Variants in SELENOP observed in about 807,000 individuals in gnomAD.
SELENOP encodes the protein selenoprotein P.
A neutral mutation model predicts 41.0 loss-of-function variants in SELENOP; 36 were observed. The observed-to-expected ratio is 0.88, with a 90% confidence interval of 0.67 to 1.16. The LOEUF is 1.16. Among genes scored for constraint, SELENOP ranks in the 50% most tolerant of loss-of-function variants. SELENOP has a pLI of 0.00. For synonymous variants in SELENOP, 144 were observed against 150.8 expected, an observed-to-expected ratio of 0.95 and a Z score of 0.33; for missense variants, 440 against 454.2, an observed-to-expected ratio of 0.97 and a Z score of 0.28.
At position 42,804,750 on chromosome 5, in the gene SELENOP, A is replaced by C. The variant is rs1419520030; in HGVS notation, c.440T>G (p.Leu147Arg). 3 of 1,606,494 alleles carry C rather than the reference A, an allele frequency of 1.9e-6. No individual in the cohort carries two copies. The highest frequency in any genetic ancestry group is 2.6e-6 in the Non-Finnish European group (3 of 1,173,970). Residue 147 changes from leucine to arginine, a missense_variant, in exon 4 of 5, where the codon CTT becomes CGT. Physicochemically the swap from Leu to Arg is moderately radical, Grantham distance 102. Transcript: ENST00000514985. ...AGTTAGGAAGGAAAAAGGCAAACCA[A>C]GATGATATACAAGACGGCCACATCT... ...YDRCGRLVYHLGLPFSFLTFP... is the reference protein window; with the variant it reads ...YDRCGRLVYHRGLPFSFLTFP...
intron 4 of SELENOP, 69 bp downstream of exon 4, chr5:42,804,587 T>C: frequency 1.2e-6 from 1 of 835,196 alleles, no homozygotes. Flanking sequence ...GTTTTCTAAA[T>C]AAGTGTTTCA....
intron 1 of SELENOP, 108 bp downstream of exon 1, chr5:42,811,728 C>T (rs1380036205): frequency 2.0e-5 from 3 of 152,162 alleles, no homozygotes; most frequent in Admixed American, 2.0e-4. Flanking sequence ...CCTCTATCCA[C>T]CAGTTTTCTG....
At chr5:42,801,656 C>A in intron 4 of SELENOP, 1 of 339,466 alleles carries the variant, frequency 2.9e-6, no homozygotes, top group South Asian at 1.2e-4. Flanking sequence ...GTGGCTCATG[C>A]CTGTAATCCC....
At chr5:42,804,609 T>TA in intron 4 of SELENOP, 47 bp downstream of exon 4, 1 of 1,112,342 alleles carries the variant, frequency 9.0e-7, no homozygotes, top group East Asian at 2.4e-5. Context: ...GATAAACTCT[T>TA]AAAAGATTTC....
intron 3 of SELENOP, chr5:42,806,647 A>G (rs1441128236): frequency 1.4e-5 from 4 of 284,050 alleles, no homozygotes; most frequent in Non-Finnish European, 2.7e-5. Flanking sequence ...GGAGGAGGAG[A>G]AAGAAGAGGA....
chr5:42,811,719 C>T (rs1035276511), intron 1 of SELENOP, 117 bp downstream of exon 1: 1 of 152,058 alleles, frequency 6.6e-6, no homozygotes, highest in African/African-American at 2.4e-5. Flanking sequence ...TTTTTATTTC[C>T]TCTATCCACC....
chr5:42,801,294 A>G lies in SELENOP; in HGVS notation c.572T>C (p.Leu191Ser). 2 of 1,612,842 alleles carry G rather than the reference A, an allele frequency of 1.2e-6. No individual in the cohort carries two copies. The highest frequency in any genetic ancestry group is 1.1e-5 in the South Asian group (1 of 90,716). The change falls in exon 5 of 5, where the codon TTG (leucine) becomes TCG (serine). Residue 191 changes from leucine (L) to serine (S), a missense_variant. By Grantham distance (145) the Leu-to-Ser change is moderately radical. Coordinates refer to ENST00000514985, the MANE Select transcript of SELENOP (RefSeq NM_005410.4). ...KDEDFCKRVSLATVDKTVETP... is the reference protein window; with the variant it reads ...KDEDFCKRVSSATVDKTVETP... ...TTCAACTGTTTTATCCACAGTAGCC[A>G]AAGATACACGTTTACAAAAGTCTTC...
intron 2 of SELENOP, chr5:42,807,740 AT>A (rs956368866): frequency 6.5e-6 from 1 of 154,512 alleles, no homozygotes; most frequent in Non-Finnish European, 1.5e-5. Flanking sequence ...CTCAACAAAT[AT>A]TTTTTATATT....
Sources: gnomAD v4.1 joint callset for allele counts on GRCh38, gnomAD v4.1.1 for gene constraint, MANE v1.5 for transcripts, NCBI Gene and HGNC (gene_info 2026-07-23, HGNC 2026-07-21) for gene names.